Variants in NELL1 observed in about 807,000 individuals in gnomAD.
NELL1 encodes neural EGFL like 1, also known as protein kinase C-binding protein NELL1.
Under a neutral mutation model 107.4 loss-of-function variants are expected in NELL1, and 76 were observed. That is an observed-to-expected ratio of 0.71 (90% CI 0.59 to 0.86). The LOEUF (loss-of-function observed/expected upper bound fraction) is 0.86, where lower values mean the gene tolerates loss of function less well. Among genes scored for constraint, NELL1 ranks in the 40% least tolerant of loss-of-function variants. NELL1 has a pLI of 0.00. For synonymous variants in NELL1, 353 were observed against 341.2 expected, an observed-to-expected ratio of 1.03 and a Z score of -0.38; for missense variants, 1,024 against 1,005.5, an observed-to-expected ratio of 1.02 and a Z score of -0.25.
chr11:21,498,251 T>C (rs1218265350), intron 15 of NELL1, among the ~76,000 whole-genome samples: 3 of 150,642 alleles, frequency 2.0e-5, no homozygotes, highest in Non-Finnish European at 4.4e-5. Flanking sequence ...TCCCTGGTGA[T>C]AATTACATAA....
chr11:21,055,045 G>A (rs1853580499), intron 12 of NELL1, among the ~76,000 whole-genome samples: 1 of 151,852 alleles, frequency 6.6e-6, no homozygotes, highest in African/African-American at 2.4e-5. Flanking sequence ...GGCTTACCTT[G>A]CCTTATGGTG....
chr11:21,312,375 T>C (rs1377739), intron 14 of NELL1, among the ~76,000 whole-genome samples: 35,571 of 151,884 alleles, frequency 0.23, 5,192 homozygotes, highest in Middle Eastern at 0.39. Flanking sequence ...TTTTTCTTTA[T>C]TTTTGGAATG....
At position 20,709,789 on chromosome 11, in the gene NELL1, A is replaced by G. The variant is rs1032511752; in HGVS notation, c.184+31729A>G. On this transcript the variant is annotated intron_variant, in intron 2 of 19. Coordinates refer to ENST00000357134, the MANE Select transcript of NELL1 (RefSeq NM_006157.5). ...TTAGGTATATTATTAATATTTTATT[A>G]TTATTCTTATTTTTTGCAGCTGATG... Among the ~76,000 whole-genome samples the G allele has an allele frequency of 1.3e-4, 19 of 151,336 alleles. No individual in the cohort carries two copies. The Middle Eastern group carries it at 0.01, about 81-fold the overall frequency.
intron 12 of NELL1, among the ~76,000 whole-genome samples, chr11:20,982,859 T>C (rs1382215451): frequency 6.6e-6 from 1 of 152,226 alleles, no homozygotes; most frequent in African/African-American, 2.4e-5. Flanking sequence ...AGCTTACTAC[T>C]TGAATGATTT....
At chr11:20,905,127 A>G (rs1447683800) in intron 5 of NELL1, among the ~76,000 whole-genome samples, 1 of 151,688 alleles carries the variant, frequency 6.6e-6, no homozygotes, top group African/African-American at 2.4e-5. Flanking sequence ...GGTGTGAGCC[A>G]CCTTGCCTGG....
chr11:21,497,587 T>G (rs915556803), intron 15 of NELL1, among the ~76,000 whole-genome samples: 2 of 152,118 alleles, frequency 1.3e-5, no homozygotes, highest in Non-Finnish European at 2.9e-5. Flanking sequence ...TTAAAATATT[T>G]TAATATTTTG....
At chr11:20,890,561 T>C (rs1849597305) in intron 5 of NELL1, among the ~76,000 whole-genome samples, 1 of 152,020 alleles carries the variant, frequency 6.6e-6, no homozygotes, top group Non-Finnish European at 1.5e-5. Flanking sequence ...AACAAACTCC[T>C]CTGAGTTAAA....
At chr11:21,426,720 G>T (rs1026690531) in intron 15 of NELL1, among the ~76,000 whole-genome samples, 1 of 152,100 alleles carries the variant, frequency 6.6e-6, no homozygotes, top group Non-Finnish European at 1.5e-5. Context: ...GTGTGTATCA[G>T]GCAGGGTGCA....
chr11:21,142,629 A>G (rs1281096860), intron 13 of NELL1, among the ~76,000 whole-genome samples: 1 of 152,210 alleles, frequency 6.6e-6, no homozygotes, highest in African/African-American at 2.4e-5. Flanking sequence ...CTGAAGTAAT[A>G]GAAGCTTTGT....
chr11:20,722,901 G>T (rs2133911240), intron 2 of NELL1, among the ~76,000 whole-genome samples: 2 of 152,252 alleles, frequency 1.3e-5, no homozygotes, highest in South Asian at 4.1e-4. Flanking sequence ...TGGCTGGGGT[G>T]GCCTCAGGAA....
chr11:21,131,863 T>C (rs997780238), intron 13 of NELL1, among the ~76,000 whole-genome samples: 5 of 152,200 alleles, frequency 3.3e-5, no homozygotes, highest in African/African-American at 1.2e-4. Flanking sequence ...GCCATAATGA[T>C]GTTTTATTAA....
At chr11:21,460,267 G>C (rs1564905470) in intron 15 of NELL1, among the ~76,000 whole-genome samples, 1 of 152,096 alleles carries the variant, frequency 6.6e-6, no homozygotes, top group Non-Finnish European at 1.5e-5. Flanking sequence ...GTTCAGTCCA[G>C]TGAATGAGAG....
At chr11:21,027,072 T>G (rs1305089831) in intron 12 of NELL1, among the ~76,000 whole-genome samples, 2 of 152,116 alleles carry the variant, frequency 1.3e-5, no homozygotes, top group Admixed American at 1.3e-4. Context: ...GCATTTATTT[T>G]CCTCTCACTG....
At chr11:21,564,460 A>T (rs74656274) in intron 17 of NELL1, among the ~76,000 whole-genome samples, 1 of 151,870 alleles carries the variant, frequency 6.6e-6, no homozygotes, top group Non-Finnish European at 1.5e-5. Context: ...ATTACATAAG[A>T]GTAAGAACCA....
intron 12 of NELL1, among the ~76,000 whole-genome samples, chr11:21,093,508 C>T (rs1254962923): frequency 1.3e-5 from 2 of 152,156 alleles, no homozygotes; most frequent in Non-Finnish European, 2.9e-5. Flanking sequence ...CAGATCCTCT[C>T]CTGAGCCTCC....
At chr11:21,095,257 C>T (rs1209802636) in intron 12 of NELL1, among the ~76,000 whole-genome samples, 1 of 152,162 alleles carries the variant, frequency 6.6e-6, no homozygotes. Context: ...ACCACCTCAG[C>T]CTGAACCTTA....
At chr11:21,069,641 T>C (rs567896200) in intron 12 of NELL1, among the ~76,000 whole-genome samples, 1 of 152,358 alleles carries the variant, frequency 6.6e-6, no homozygotes, top group Non-Finnish European at 1.5e-5. Context: ...GTGTGACATA[T>C]ATATTTAAAA....
At chr11:20,717,206 T>A (rs556689547) in intron 2 of NELL1, among the ~76,000 whole-genome samples, 1 of 152,360 alleles carries the variant, frequency 6.6e-6, no homozygotes, top group Admixed American at 6.5e-5. Context: ...CTATGCCTGG[T>A]CATCCCAATG....
chr11:21,469,183 G>A (rs1013026472), intron 15 of NELL1, among the ~76,000 whole-genome samples: 2 of 151,936 alleles, frequency 1.3e-5, no homozygotes, highest in Non-Finnish European at 2.9e-5. Flanking sequence ...GAAAACACAT[G>A]CATTTGTTTT....
Sources: gnomAD v4.1 joint callset for allele counts (sites outside exome capture counted in the v4.1 genomes callset) on GRCh38, gnomAD v4.1.1 for gene constraint, MANE v1.5 for transcripts, NCBI Gene and HGNC (gene_info 2026-07-23, HGNC 2026-07-21) for gene names.